Variants in ARMCX4 observed in about 807,000 individuals in gnomAD.
ARMCX4 encodes the protein armadillo repeat-containing X-linked protein 4.
Under a neutral mutation model 34.7 loss-of-function variants are expected in ARMCX4, and 3 were observed. The ratio of observed to expected loss-of-function variants is 0.09; its 90% confidence interval spans 0.04 to 0.22. The LOEUF (loss-of-function observed/expected upper bound fraction) is 0.22. ARMCX4 is among the 10% of genes least tolerant of loss of function. The probability of loss-of-function intolerance (pLI) is 1.00; values close to 1 mark genes in which losing one functional copy is unlikely to be tolerated. For synonymous variants in ARMCX4, 513 were observed against 632.8 expected (o/e 0.81, Z 2.84); for missense variants, 1,448 against 1,720.8 (o/e 0.84, Z 2.81).
At chrX:101,426,045 A>G (rs1260131588) in intron 2 of ARMCX4, among the ~76,000 whole-genome samples, 4 of 110,118 alleles carry the variant, frequency 3.6e-5, no homozygotes, top group Non-Finnish European at 5.7e-5. Context: ...CTGGTCTCGA[A>G]TTCCAGGGCT....
chrX:101,474,594 C>T (rs1933087520), intron 4 of ARMCX4, among the ~76,000 whole-genome samples: 1 of 104,329 alleles, frequency 9.6e-6, no homozygotes, highest in Non-Finnish European at 2.0e-5. Flanking sequence ...AGCAGCACAT[C>T]AAAAAGCTTA....
At chrX:101,501,070 G>C (rs1314330530) in intron 7 of ARMCX4, among the ~76,000 whole-genome samples, 4 of 112,276 alleles carry the variant, frequency 3.6e-5, no homozygotes, top group Non-Finnish European at 7.5e-5. Flanking sequence ...ACAAATTAAG[G>C]TATTTTTTAC....
chrX:101,484,245 C>T (rs910936600), upstream of ARMCX4, among the ~76,000 whole-genome samples: 1 of 111,469 alleles, frequency 9.0e-6, no homozygotes. Flanking sequence ...ACACTCGCCA[C>T]TGCTAGGGTA....
chrX:101,445,920 G>A (rs1931595319), intron 3 of ARMCX4: 1 of 111,525 alleles, frequency 9.0e-6, no homozygotes, highest in Non-Finnish European at 1.9e-5. Flanking sequence ...TTGGCACGTA[G>A]TAGGCACAAA....
intron 11 of ARMCX4, among the ~76,000 whole-genome samples, chrX:101,525,180 G>A (rs1934938449): frequency 8.9e-6 from 1 of 112,104 alleles, no homozygotes; most frequent in Non-Finnish European, 1.9e-5. Context: ...CAGGCAAACA[G>A]GGTCTGGAGT....
At chrX:101,440,080 G>A (rs1931156739) in intron 2 of ARMCX4, among the ~76,000 whole-genome samples, 1 of 110,801 alleles carries the variant, frequency 9.0e-6, no homozygotes, top group African/African-American at 3.3e-5. Flanking sequence ...CAGTTTTTCT[G>A]CTCTGTTTTT....
rs1556007663 is a variant in ARMCX4 at position 101,488,860 on chromosome X, G to A, written c.271G>A (p.Ala91Thr). ...GCCTAGGGCTGAAGTAGAGACCAAG[G>A]CCACTGCTATAGCCATACACAGAGC... ...SGPRAEVETK[A>T]TAIAIHRANS... Residue 91 changes from alanine (A) to threonine (T), a missense_variant, in exon 6 of 6, where the codon GCC becomes ACC. This residue lies in a region of ARMCX4 where 1,343 missense variants were observed against 1,540.7 expected (regional missense o/e 0.87). Coordinates refer to ENST00000423738, the MANE Select transcript of ARMCX4 (RefSeq NM_001256155.3). The A allele has an allele frequency of 1.7e-6, 2 of 1,155,718 alleles. No homozygotes were observed. The highest frequency in any genetic ancestry group is 3.2e-5 in the East Asian group (1 of 30,780).
rs1212401347 is a variant in ARMCX4 at position 101,488,720 on chromosome X, C to A, written c.131C>A (p.Thr44Lys). 1.7e-6 allele frequency: 2 copies of A among 1,154,138 alleles called. No individual in the cohort carries two copies. Among genetic ancestry groups the A allele is most frequent in the Non-Finnish European group, 2.3e-6 (2 of 872,508 alleles). The change falls in exon 6 of 6, where the codon ACA (threonine) becomes AAA (lysine). Residue 44 changes from threonine to lysine, a missense_variant. Around this residue, in one of 2 missense-constraint regions of ARMCX4, gnomAD observed 1,343 missense variants for 1,540.7 expected, o/e 0.87. Coordinates refer to ENST00000423738, the MANE Select transcript of ARMCX4 (RefSeq NM_001256155.3). ...SVRTLARNGS[T>K]VKMETVVGVQ... The stretch of plus-strand genomic sequence containing the variant: ...AGGACTCTTGCCAGAAATGGATCCA[C>A]AGTTAAGATGGAGACTGTGGTTGGG...
At chrX:101,533,243 C>T (rs1214265271) in exon 13 of ARMCX4, 1 of 110,265 alleles carries the variant, frequency 9.1e-6, no homozygotes, top group African/African-American at 3.3e-5. Flanking sequence ...GGACTGCATC[C>T]CTTCAAGATT....
intron 11 of ARMCX4, among the ~76,000 whole-genome samples, chrX:101,515,341 C>CATTTT (rs1934684442): frequency 6.3e-5 from 1 of 15,769 alleles, no homozygotes; most frequent in Non-Finnish European, 1.2e-4. Flanking sequence ...TCTTTCCTTT[C>CATTTT]CTTTTCTTTC....
At chrX:101,435,699 T>C (rs1401881881) in intron 2 of ARMCX4, among the ~76,000 whole-genome samples, 3 of 109,907 alleles carry the variant, frequency 2.7e-5, no homozygotes, top group Non-Finnish European at 5.7e-5. Flanking sequence ...TTTGGTGTTT[T>C]AGACATGAAG....
At chrX:101,424,401 TC>T (rs782566140) in intron 2 of ARMCX4, among the ~76,000 whole-genome samples, 116 of 111,546 alleles carry the variant, frequency 1.0e-3, no homozygotes, top group South Asian at 3.4e-3. Context: ...AGCAAATTAA[TC>T]AAACCCAAGG....
chrX:101,481,601 A>G (rs1236768011), upstream of ARMCX4, among the ~76,000 whole-genome samples: 5 of 112,064 alleles, frequency 4.5e-5, no homozygotes, highest in Non-Finnish European at 9.4e-5. Flanking sequence ...TGATGGGGGT[A>G]TAAATTGGCC....
chrX:101,502,947 C>T (rs1556014125), intron 7 of ARMCX4, among the ~76,000 whole-genome samples: 1 of 71,735 alleles, frequency 1.4e-5, no homozygotes, highest in African/African-American at 5.5e-5. Flanking sequence ...CCCCCCACCC[C>T]ACAACAGGCC....
At chrX:101,507,971 G>A (rs1427345736) in intron 8 of ARMCX4, among the ~76,000 whole-genome samples, 1 of 111,851 alleles carries the variant, frequency 8.9e-6, no homozygotes, top group Non-Finnish European at 1.9e-5. Context: ...TTGTAATGTC[G>A]CAGCACAACA....
chrX:101,512,829 C>CAT (rs200716915), intron 11 of ARMCX4, among the ~76,000 whole-genome samples: 28 of 83,482 alleles, frequency 3.4e-4, no homozygotes, highest in East Asian at 6.6e-4. Flanking sequence ...TATATATACA[C>CAT]ATATATATAT....
In ARMCX4 at chrX:101,491,646, G is replaced by A. The variant is rs782222301; in HGVS notation, c.3057G>A (p.Gly1019=). Residue 1019 remains glycine, a synonymous_variant, in exon 6 of 6, where the codon GGG becomes GGA. Transcript: ENST00000423738. ...KGNTIAVPKA[G]TGAGTRHSAQ... ...ATACCATTGCTGTGCCTAAAGCAGG[G>A]ACTGGGGCAGGCACAAGGCACTCTG... The A allele has an allele frequency of 3.4e-5, 39 of 1,155,756 alleles. No individual in the cohort carries two copies. The East Asian group carries it at 1.3e-3, about 38-fold the overall frequency.
upstream of ARMCX4, among the ~76,000 whole-genome samples, chrX:101,484,241 G>A (rs375045766): frequency 1.5e-4 from 17 of 111,244 alleles, 3 homozygotes; most frequent in East Asian, 1.4e-3. Context: ...TTGAACACTC[G>A]CCACTGCTAG....
At chrX:101,440,979 T>C (rs782674805) in intron 2 of ARMCX4, among the ~76,000 whole-genome samples, 5 of 110,960 alleles carry the variant, frequency 4.5e-5, no homozygotes, top group Non-Finnish European at 7.6e-5. Context: ...GCACCCACTG[T>C]CCTGCACCCA....
Sources: allele counts gnomAD v4.1 joint callset (sites outside exome capture counted in the v4.1 genomes callset), GRCh38; gene constraint gnomAD v4.1.1; regional missense constraint gnomAD v4.1.1; transcripts MANE v1.5; gene names NCBI Gene and HGNC (gene_info 2026-07-23, HGNC 2026-07-21).